ITPR1: variants seen among roughly 807,000 people sequenced by gnomAD.
ITPR1 encodes inositol 1,4,5-trisphosphate-gated calcium channel ITPR1.
Under a neutral mutation model 318.4 loss-of-function variants are expected in ITPR1, and 96 were observed. The observed-to-expected ratio is 0.30, with a 90% confidence interval of 0.26 to 0.36. The LOEUF (loss-of-function observed/expected upper bound fraction) is 0.36, where lower values mean the gene tolerates loss of function less well. Ranked by LOEUF, ITPR1 falls within the 10% of genes least tolerant of loss-of-function variation. The pLI, the probability that ITPR1 is intolerant of heterozygous loss-of-function variation, is 1.00. For synonymous variants in ITPR1, 1,312 were observed against 1,289.9 expected, an observed-to-expected ratio of 1.02 and a Z score of -0.37; for missense variants, 2,440 against 3,460.2, an observed-to-expected ratio of 0.71 and a Z score of 7.40.
chr3:4,510,590 C>A (rs940342321), intron 2 of ITPR1, among the ~76,000 whole-genome samples: 1 of 152,130 alleles, frequency 6.6e-6, no homozygotes, highest in Admixed American at 6.5e-5. Context: ...TTACTGAATA[C>A]CTACTATGTG....
At position 4,691,267 on chromosome 3, in the gene ITPR1, T is replaced by C. The variant is rs753943856; in HGVS notation, c.3952T>C (p.Tyr1318His). 6.2e-7 allele frequency: 1 copy of C among 1,613,340 alleles called. No individual in the cohort carries two copies. Among genetic ancestry groups the C allele is most frequent in the South Asian group, 1.1e-5 (1 of 90,980 alleles). The change falls in exon 32 of 62, where the codon TAT (tyrosine) becomes CAT (histidine). Residue 1318 changes from tyrosine (Y) to histidine (H), a missense_variant. Physicochemically the swap from Tyr to His is moderately conservative, Grantham distance 83 (BLOSUM62 2). Coordinates refer to ENST00000649015, the MANE Select transcript of ITPR1 (RefSeq NM_001378452.1). ...CIETHGRNVQYIKFLQTIVKA... is the reference protein window; with the variant it reads ...CIETHGRNVQHIKFLQTIVKA... ...AGAGACTCACGGTCGGAATGTCCAG[T>C]ATATAAAGTTCTTACAGACAATTGT...
chr3:4,718,920 C>T (rs927561091), intron 40 of ITPR1, among the ~76,000 whole-genome samples: 1 of 152,186 alleles, frequency 6.6e-6, no homozygotes, highest in African/African-American at 2.4e-5. Context: ...GTAAATGCCT[C>T]ACTGATTTAA....
intron 4 of ITPR1, among the ~76,000 whole-genome samples, chr3:4,620,617 G>C (rs747765202): frequency 6.6e-6 from 1 of 151,236 alleles, no homozygotes; most frequent in Non-Finnish European, 1.5e-5. Flanking sequence ...TTGCAACTTG[G>C]GAAGATTGAT....
rs114220777 is a variant in ITPR1, at chr3:4,644,472, G to A, written c.624+238G>A. On this transcript the variant is annotated intron_variant, in intron 8 of 61. Transcript: ENST00000649015. ...TAGTGCTCAGTTTGTGAAGCCTTGC[G>A]TCACTGAGGGGTTGTTTTTTCATTG... Among the ~76,000 whole-genome samples, 916 of 152,336 alleles carry A rather than the reference G, an allele frequency of 6.0e-3. 8 individuals carry two copies. Among genetic ancestry groups the A allele is most frequent in the African/African-American group, 0.021 (864 of 41,570 alleles).
intron 4 of ITPR1, among the ~76,000 whole-genome samples, chr3:4,611,478 T>C (rs972315740): frequency 6.6e-6 from 1 of 151,784 alleles, no homozygotes; most frequent in African/African-American, 2.4e-5. Flanking sequence ...GAGAATGGCT[T>C]GAACCCAGGA....
chr3:4,642,260 G>T lies in ITPR1; in HGVS notation c.525+9G>T. ...GATCCATTGGAGACAGCGTAAGTGC[G>T]GATTCTCCACCTAGAAAGTCTTCCG... On this transcript the variant is annotated intron_variant, in intron 7 of 61. Transcript: ENST00000649015. The T allele has an allele frequency of 6.6e-7, 1 of 1,512,764 alleles. No individual in the cohort carries two copies. The highest frequency in any genetic ancestry group is 1.4e-5 in the South Asian group (1 of 73,136). The allele number at this position is 1,512,764 out of a possible 1,614,324, so 93.7% of individuals were successfully genotyped here. A position where few individuals can be genotyped will look rare whatever the true frequency, so the allele number is the denominator to read the frequency against.
intron 55 of ITPR1, among the ~76,000 whole-genome samples, chr3:4,809,553 C>T (rs182881527): frequency 2.6e-5 from 4 of 152,054 alleles, no homozygotes; most frequent in Admixed American, 2.6e-4. Flanking sequence ...AGCTATTGAG[C>T]GAATGTCTCT....
intron 4 of ITPR1, among the ~76,000 whole-genome samples, chr3:4,605,998 T>C (rs775957465): frequency 1.3e-5 from 2 of 152,204 alleles, no homozygotes; most frequent in African/African-American, 2.4e-5. Flanking sequence ...ATTATTTTAA[T>C]TGGATCATTA....
intron 12 of ITPR1, among the ~76,000 whole-genome samples, chr3:4,655,455 C>G (rs1445240956): frequency 6.6e-6 from 1 of 152,150 alleles, no homozygotes; most frequent in African/African-American, 2.4e-5. Flanking sequence ...GCTGTGTGAC[C>G]TTGGACAAGT....
intron 36 of ITPR1, among the ~76,000 whole-genome samples, chr3:4,703,927 A>C (rs533380941): frequency 1.3e-5 from 2 of 152,324 alleles, no homozygotes; most frequent in Non-Finnish European, 2.9e-5. Flanking sequence ...CCCTGCAATG[A>C]AATTCCCAGA....
chr3:4,586,381 C>A (rs940462255), intron 4 of ITPR1, among the ~76,000 whole-genome samples: 1 of 152,168 alleles, frequency 6.6e-6, no homozygotes, highest in African/African-American at 2.4e-5. Context: ...TTAACATGCC[C>A]ACAGCAACAT....
In ITPR1 at chr3:4,680,704, G is replaced by T. The variant is rs374750708; in HGVS notation, c.3106+13G>T. 5 of 1,600,940 alleles carry T rather than the reference G, an allele frequency of 3.1e-6. No individual in the cohort carries two copies. The highest frequency in any genetic ancestry group is 1.3e-5 in the African/African-American group (1 of 74,784). On this transcript the variant is annotated intron_variant, in intron 25 of 61. Coordinates refer to ENST00000649015, the MANE Select transcript of ITPR1 (RefSeq NM_001378452.1). Reference sequence around the variant, plus strand: ...AGTAATGTACCAGGTTAGTGATTCAGAATGGAATTTCAGCCATAGAATGGG... The same window carrying T: ...AGTAATGTACCAGGTTAGTGATTCATAATGGAATTTCAGCCATAGAATGGG...
intron 60 of ITPR1, among the ~76,000 whole-genome samples, chr3:4,830,628 C>A (rs77026447): frequency 2.6e-5 from 4 of 152,258 alleles, no homozygotes; most frequent in South Asian, 2.1e-4. Flanking sequence ...CCCCGTACCC[C>A]CTTCTAGTCG....
chr3:4,744,078 C>T (rs554218986), intron 44 of ITPR1, among the ~76,000 whole-genome samples: 33 of 152,246 alleles, frequency 2.2e-4, no homozygotes, highest in African/African-American at 6.0e-4. Context: ...TCAAGTGATC[C>T]GCCCGCCTCA....
intron 11 of ITPR1, 149 bp from the exon 12 acceptor site, chr3:4,653,693 T>A: frequency 1.6e-6 from 1 of 610,696 alleles, no homozygotes; most frequent in Non-Finnish European, 3.0e-6. Flanking sequence ...TGTATCATTG[T>A]CGTGGCATGC....
chr3:4,834,357 T>C lies in ITPR1; in HGVS notation c.8029-2417T>C, dbSNP rs1056426888. On this transcript the variant is annotated intron_variant, in intron 60 of 61. Transcript: ENST00000649015. ...GCTCACTGTAGTATCCTCAACATTG[T>C]TGTATCCAAAGTGGGACTTTGTATC... Among the ~76,000 whole-genome samples, 4 of 152,250 alleles carry C rather than the reference T, an allele frequency of 2.6e-5. No homozygotes were observed. In the South Asian group the frequency reaches 6.2e-4, roughly 24 times the overall value.
chr3:4,674,377 C>T (rs1346600519), intron 22 of ITPR1, 34 bp downstream of exon 22: 2 of 1,567,376 alleles, frequency 1.3e-6, no homozygotes, highest in Non-Finnish European at 1.7e-6. Flanking sequence ...TGTGTATTAT[C>T]TGCCTCTCAG....
Position 4,836,876 on chromosome 3 carries a change from G to C in ITPR1, c.8131G>C (p.Glu2711Gln). 6.3e-7 allele frequency: 1 copy of C among 1,597,472 alleles called. No individual in the cohort carries two copies. The highest frequency in any genetic ancestry group is 1.3e-5 in the African/African-American group (1 of 74,736). ...GCTGAGAAACCTGCAGGAGAAGCTG[G>C]AGTCCACCATGAAACTTGTCACGAA... is the stretch of plus-strand genomic sequence containing the variant. ...NELRNLQEKLESTMKLVTNLS... is the reference protein window; with the variant it reads ...NELRNLQEKLQSTMKLVTNLS... The change falls in exon 61 of 62, where the codon GAG becomes CAG. Residue 2711 changes from glutamate (E) to glutamine (Q), a missense_variant. Physicochemically the swap from Glu to Gln is conservative, Grantham distance 29 (BLOSUM62 2). Transcript: ENST00000649015.
chr3:4,659,548 A>C (rs1245943107), intron 13 of ITPR1, among the ~76,000 whole-genome samples: 1 of 152,068 alleles, frequency 6.6e-6, no homozygotes, highest in East Asian at 1.9e-4. Context: ...TTAACCGGGC[A>C]TGGTGGCACA....
Sources: gnomAD v4.1 joint callset for allele counts (sites outside exome capture counted in the v4.1 genomes callset) on GRCh38, gnomAD v4.1.1 for gene constraint, MANE v1.5 for transcripts, NCBI Gene and HGNC (gene_info 2026-07-23, HGNC 2026-07-21) for gene names.